Variants in ATP11A observed in about 807,000 individuals in gnomAD.
The protein encoded by ATP11A is phospholipid-transporting ATPase IH.
Under a neutral mutation model 154.4 loss-of-function variants are expected in ATP11A, and 81 were observed. The ratio of observed to expected loss-of-function variants is 0.52; its 90% CI spans 0.44 to 0.63. The LOEUF (loss-of-function observed/expected upper bound fraction) is 0.63. ATP11A is among the 30% of genes least tolerant of loss of function. The probability of loss-of-function intolerance (pLI) is 0.00; values close to 1 mark genes in which losing one functional copy is unlikely to be tolerated. For missense variants in ATP11A, 1,316 were observed against 1,474.3 expected (o/e 0.89, Z 1.76); for synonymous variants, 623 against 585.9 (o/e 1.06, Z -0.91).
At chr13:112,862,120 CAG>C (rs369052435) in intron 24 of ATP11A, among the ~76,000 whole-genome samples, 106 of 152,364 alleles carry the variant, frequency 7.0e-4, no homozygotes, top group African/African-American at 2.0e-3. Flanking sequence ...CGGTGAACGT[CAG>C]GGGTGTGCCT....
rs35053648 is a variant in ATP11A at position 112,831,991 on chromosome 13, CA to C, written c.1395+444del. On this transcript the variant is annotated intron_variant, in intron 13 of 29. Transcript: ENST00000375645. ...CACATGCCCAGACACCGTGTGCACA[CA>C]CAGACACACATGCACACACGCTCAC... Among the ~76,000 whole-genome samples, 438 of 152,114 alleles carry C rather than the reference CA, an allele frequency of 2.9e-3. 3 individuals carry two copies. Among genetic ancestry groups the C allele is most frequent in the African/African-American group, 9.2e-3 (383 of 41,470 alleles).
intron 2 of ATP11A, among the ~76,000 whole-genome samples, chr13:112,795,611 TACTG>T (rs2077980265): frequency 6.6e-6 from 1 of 152,240 alleles, no homozygotes; most frequent in South Asian, 2.1e-4. Flanking sequence ...GTGACTTTGT[TACTG>T]AGTGATGTAT....
intron 1 of ATP11A, among the ~76,000 whole-genome samples, chr13:112,712,926 C>T (rs1887934152): frequency 1.3e-5 from 2 of 152,376 alleles, no homozygotes; most frequent in East Asian, 3.9e-4. Context: ...CTTTTTATAG[C>T]AGCCATGCTG....
intron 21 of ATP11A, 47 bp downstream of exon 21, chr13:112,857,967 C>A: frequency 6.2e-7 from 1 of 1,600,118 alleles, no homozygotes; most frequent in Non-Finnish European, 8.6e-7. Context: ...CCAGGTCACC[C>A]CTTCGCTAGA....
chr13:112,706,116 C>T (rs1038669111), intron 1 of ATP11A, among the ~76,000 whole-genome samples: 9 of 152,088 alleles, frequency 5.9e-5, no homozygotes, highest in Admixed American at 2.6e-4. Context: ...GAGATCTTAA[C>T]GGGTGAAGAG....
At chr13:112,768,450 C>G (rs182469340) in intron 1 of ATP11A, among the ~76,000 whole-genome samples, 72 of 152,366 alleles carry the variant, frequency 4.7e-4, no homozygotes, top group African/African-American at 1.7e-3. Context: ...CTGTCGCCAG[C>G]TGAGCCGCCC....
rs115532411 is a variant in ATP11A, at chr13:112,820,037, C to T, written c.725+87C>T. On this transcript the variant is annotated intron_variant, in intron 8 of 29. Coordinates refer to ENST00000375645, the MANE Select transcript of ATP11A (RefSeq NM_015205.3). ...CTTTGACGGACAAGGGTTTCCACGG[C>T]GGCTGCTCTGGTAGATTTGGAAGGT... is the stretch of plus-strand genomic sequence containing the variant. 7.2e-5 allele frequency: 94 copies of T among 1,311,600 alleles called. No individual in the cohort carries two copies. The African/African-American group carries it at 1.1e-3, about 15-fold the overall frequency. The allele number at this position is 1,311,600 out of a possible 1,614,324, so 81.2% of individuals were successfully genotyped here.
intron 1 of ATP11A, among the ~76,000 whole-genome samples, chr13:112,720,810 C>G (rs542664132): frequency 6.6e-6 from 1 of 152,162 alleles, no homozygotes; most frequent in African/African-American, 2.4e-5. Context: ...CCTGCCTTGG[C>G]CTCTCAAAGT....
intron 2 of ATP11A, among the ~76,000 whole-genome samples, chr13:112,799,863 A>G (rs113854785): frequency 0.013 from 1,946 of 152,378 alleles, 48 homozygotes; most frequent in African/African-American, 0.044. Flanking sequence ...CAGTAGAATT[A>G]AACTAGAAAT....
chr13:112,741,269 G>C (rs1043323237), intron 1 of ATP11A, among the ~76,000 whole-genome samples: 2 of 151,908 alleles, frequency 1.3e-5, no homozygotes, highest in Non-Finnish European at 2.9e-5. Context: ...AAGGTGGCCC[G>C]GTCCCTGCGG....
rs571943587 is a variant in ATP11A at position 112,714,338 on chromosome 13, C to T, written c.39+23883C>T. On this transcript the variant is annotated intron_variant, in intron 1 of 29. Coordinates refer to ENST00000375645, the MANE Select transcript of ATP11A (RefSeq NM_015205.3). ...CCTGGTCTGGGGTGTTCCGCTGCAG[C>T]CACAGGACCCCACTGTGGGAACCCA... is the stretch of plus-strand genomic sequence containing the variant. Among the ~76,000 whole-genome samples, 5 of 152,272 alleles carry T rather than the reference C, an allele frequency of 3.3e-5. No individual in the cohort carries two copies. In the East Asian group the frequency reaches 9.8e-4, roughly 30 times the overall value.
chr13:112,737,900 C>T (rs1396112531), intron 1 of ATP11A, among the ~76,000 whole-genome samples: 1 of 152,186 alleles, frequency 6.6e-6, no homozygotes, highest in African/African-American at 2.4e-5. Flanking sequence ...GGAAATGCTG[C>T]TTCCGGAAGC....
intron 1 of ATP11A, among the ~76,000 whole-genome samples, chr13:112,770,351 A>G (rs774435540): frequency 1.3e-5 from 2 of 152,228 alleles, no homozygotes; most frequent in Admixed American, 1.3e-4. Context: ...AAATATCTTC[A>G]TGGCAGGAGA....
At position 112,859,239 on chromosome 13, in the gene ATP11A, A is replaced by G. The variant is rs2080028278; in HGVS notation, c.2668-154A>G. On this transcript the variant is annotated intron_variant, in intron 22 of 29. Coordinates refer to ENST00000375645, the MANE Select transcript of ATP11A (RefSeq NM_015205.3). The surrounding 1 kb of genome is among the most constrained non-coding windows in gnomAD (Gnocchi z 4.3). ...CATGTGCATTTCAGTTGCCCCTGAA[A>G]TAAGAGAAAGCTTTCTAGAACCCAT... 6 of 691,018 alleles carry G rather than the reference A, an allele frequency of 8.7e-6. No individual in the cohort carries two copies. 42.8% of individuals were successfully genotyped at this position (691,018 alleles called of 1,614,324 possible).
intron 8 of ATP11A, among the ~76,000 whole-genome samples, chr13:112,822,667 C>T (rs1451227201): frequency 2.0e-5 from 3 of 151,798 alleles, no homozygotes; most frequent in South Asian, 2.1e-4. Context: ...CTCAAGTTCA[C>T]CTGAGCCCAG....
chr13:112,863,042 G>T (rs1277644382), intron 25 of ATP11A, among the ~76,000 whole-genome samples: 3 of 148,546 alleles, frequency 2.0e-5, no homozygotes, highest in Admixed American at 1.3e-4. Context: ...CAGTAGTTCA[G>T]TGCGGCCCAT....
chr13:112,848,181 G>A (rs2079660266), intron 17 of ATP11A, among the ~76,000 whole-genome samples: 1 of 152,154 alleles, frequency 6.6e-6, no homozygotes, highest in African/African-American at 2.4e-5. Context: ...GGGTAGTGTT[G>A]TCATCTTAAC....
rs7327047 is a variant in ATP11A, at chr13:112,768,319, G to A, written c.40-16816G>A. Among the ~76,000 whole-genome samples the A allele has an allele frequency of 8.5e-3, 1,294 of 152,346 alleles. 26 individuals carry two copies. Among genetic ancestry groups the A allele is most frequent in the African/African-American group, 0.03 (1,231 of 41,580 alleles). ...CGGCGTCTTCCTCTGTGGAGTTGGC[G>A]TCGGCCACTGGCTGTGGGGCAACCT... On this transcript the variant is annotated intron_variant, in intron 1 of 29. Transcript: ENST00000375645.
intron 1 of ATP11A, among the ~76,000 whole-genome samples, chr13:112,720,557 G>T (rs1380055590): frequency 1.3e-5 from 2 of 149,406 alleles, no homozygotes; most frequent in Non-Finnish European, 3.0e-5. Flanking sequence ...GAGTCTGTTT[G>T]TTTTTTTTTT....
Sources: gnomAD v4.1 joint callset for allele counts (sites outside exome capture counted in the v4.1 genomes callset) on GRCh38, gnomAD v4.1.1 for gene constraint, Gnocchi (gnomAD v3.1) non-coding constraint, MANE v1.5 for transcripts, NCBI Gene and HGNC (gene_info 2026-07-23, HGNC 2026-07-21) for gene names.